The following FAM153A variants were observed in gnomAD, a reference collection of about 807,000 sequenced individuals.
FAM153A encodes family with sequence similarity 153 member A.
FAM153A carries 12 observed loss-of-function variants against 48.1 expected under a neutral mutation model. That is an observed-to-expected ratio of 0.25 (90% confidence interval 0.16 to 0.40). FAM153A has a LOEUF of 0.40. Ranked by LOEUF, FAM153A falls within the 10% of genes least tolerant of loss-of-function variation. The probability of loss-of-function intolerance (pLI) is 1.00; values close to 1 mark genes in which losing one functional copy is unlikely to be tolerated. For synonymous variants in FAM153A, 36 were observed against 118.2 expected (o/e 0.30, Z 4.51); for missense variants, 111 against 345.8 (o/e 0.32, Z 5.38).
upstream of FAM153A, chr5:177,782,682 A>T (rs1769800281): frequency 1.1e-5 from 1 of 94,246 alleles, no homozygotes; most frequent in Non-Finnish European, 2.2e-5. Flanking sequence ...CCAATCCGTG[A>T]TCCAACCCCC....
chr5:177,731,713 C>T (rs1763887677), intron 15 of FAM153A, 114 bp from the exon 18 acceptor site: 1 of 159,584 alleles, frequency 6.3e-6, no homozygotes, highest in Admixed American at 1.4e-4. Flanking sequence ...GACAATGGCC[C>T]CGGTATCTAG....
chr5:177,759,066 A>T (rs1216899025), intron 1 of FAM153A, among the ~76,000 whole-genome samples: 4 of 151,856 alleles, frequency 2.6e-5, no homozygotes, highest in African/African-American at 9.7e-5. Context: ...AAATTTTTGC[A>T]ATCTACTCAC....
At chr5:177,694,605 T>C in the FAM153A span, among the ~76,000 whole-genome samples, 1 of 70,184 alleles carries the variant, frequency 1.4e-5, no homozygotes, top group Non-Finnish European at 2.8e-5. Flanking sequence ...AACAAAGGCC[T>C]GCTGGGGATT....
At chr5:177,760,515 C>T (rs113162952) in intron 1 of FAM153A, among the ~76,000 whole-genome samples, 16 of 36,492 alleles carry the variant, frequency 4.4e-4, no homozygotes, top group African/African-American at 1.9e-3. Context: ...GTATTACAGG[C>T]GTGAGCCACT....
intron 18 of FAM153A, among the ~76,000 whole-genome samples, chr5:177,725,463 C>T (rs1482821197): frequency 6.7e-6 from 1 of 150,370 alleles, no homozygotes; most frequent in Non-Finnish European, 1.5e-5. Context: ...ATCCCAGCAG[C>T]TTCTGAATAT....
At chr5:177,702,522 A>G in the FAM153A span, among the ~76,000 whole-genome samples, 1 of 151,970 alleles carries the variant, frequency 6.6e-6, no homozygotes, top group African/African-American at 2.4e-5. Context: ...GGCTGCAGAA[A>G]TTTGCATACG....
At chr5:177,696,491 C>CTT in the FAM153A span, among the ~76,000 whole-genome samples, 1 of 151,790 alleles carries the variant, frequency 6.6e-6, no homozygotes, top group Non-Finnish European at 1.5e-5. Context: ...CTAAATTTAT[C>CTT]TTTTTGCATG....
chr5:177,697,250 G>A, the FAM153A span, among the ~76,000 whole-genome samples: 3 of 151,288 alleles, frequency 2.0e-5, no homozygotes, highest in African/African-American at 7.3e-5. Flanking sequence ...TTTTTGAATT[G>A]TTCATTGCTG....
At chr5:177,715,454 T>C (rs1257999797) in intron 25 of FAM153A, among the ~76,000 whole-genome samples, 1 of 151,656 alleles carries the variant, frequency 6.6e-6, no homozygotes, top group African/African-American at 2.4e-5. Context: ...TTGCATGGGC[T>C]CAAAATATGG....
chr5:177,703,617 G>T (rs1445472404), downstream of FAM153A, among the ~76,000 whole-genome samples: 1 of 143,780 alleles, frequency 7.0e-6, no homozygotes, highest in Non-Finnish European at 1.5e-5. Context: ...ATGGTGGGGG[G>T]TGATTGGACC....
intron 18 of FAM153A, among the ~76,000 whole-genome samples, chr5:177,725,428 T>G (rs1395760631): frequency 1.4e-5 from 2 of 147,458 alleles, no homozygotes; most frequent in East Asian, 3.9e-4. Flanking sequence ...CTTAGAGACT[T>G]GGAAAATATT....
At chr5:177,695,258 T>A in the FAM153A span, among the ~76,000 whole-genome samples, 1 of 145,270 alleles carries the variant, frequency 6.9e-6, no homozygotes, top group Non-Finnish European at 1.5e-5. Flanking sequence ...CTGTGACTCT[T>A]TTTAAGCTAT....
intron 1 of FAM153A, among the ~76,000 whole-genome samples, chr5:177,758,951 C>T (rs1341555478): frequency 6.6e-6 from 1 of 151,680 alleles, no homozygotes; most frequent in Non-Finnish European, 1.5e-5. Context: ...AAAGCAATGA[C>T]AATGAAAGCC....
At chr5:177,739,209 T>C in intron 9 of FAM153A, 72 bp from the exon 12 acceptor site, 1 of 1,506,302 alleles carries the variant, frequency 6.6e-7, no homozygotes, top group Non-Finnish European at 9.1e-7. Context: ...TTTTCTAAAC[T>C]TGGTGCTATT....
chr5:177,702,020 G>C, the FAM153A span, among the ~76,000 whole-genome samples: 1 of 151,408 alleles, frequency 6.6e-6, no homozygotes, highest in Non-Finnish European at 1.5e-5. Flanking sequence ...CCATTCTCCT[G>C]CCTCAGCCTC....
downstream of FAM153A, chr5:177,706,902 G>A (rs1757927884): frequency 6.6e-6 from 1 of 151,942 alleles, no homozygotes; most frequent in Non-Finnish European, 1.5e-5. Context: ...ATGTATAGCT[G>A]TGCTTGTCAC....
At position 177,729,571 on chromosome 5, in the gene FAM153A, G is replaced by T. The variant is rs368734367; in HGVS notation, c.863-16C>A. 1 of 1,608,816 alleles carries T rather than the reference G, an allele frequency of 6.2e-7. No homozygotes were observed. The highest frequency in any genetic ancestry group is 8.5e-7 in the Non-Finnish European group (1 of 1,179,590). ...TCCAGGTCACCTAGGAAACAGAGTC[G>T]CTATAAGCACATGAGCTCCACTGAG... is the stretch of plus-strand genomic sequence containing the variant. On this transcript the variant is annotated splice_polypyrimidine_tract_variant and intron_variant, in intron 16 of 20. Coordinates refer to ENST00000614127, the Ensembl canonical transcript of FAM153A.
exon 21 of FAM153A, chr5:177,723,623 A>C: frequency 6.6e-6 from 1 of 150,604 alleles, no homozygotes; most frequent in Non-Finnish European, 1.4e-5. Flanking sequence ...AGGCTGAAGG[A>C]CTCCTGGGAC....
chr5:177,706,434 C>T (rs1213320557), downstream of FAM153A, among the ~76,000 whole-genome samples: 3 of 151,770 alleles, frequency 2.0e-5, no homozygotes, highest in Non-Finnish European at 2.9e-5. Context: ...ATCCTGACCT[C>T]GTGATCCACC....
Sources: allele counts gnomAD v4.1 joint callset (sites outside exome capture counted in the v4.1 genomes callset), GRCh38; gene constraint gnomAD v4.1.1; transcripts MANE v1.5; gene names NCBI Gene and HGNC (gene_info 2026-07-23, HGNC 2026-07-21).